Variants in ZNF93 observed in about 807,000 individuals in gnomAD.
ZNF93 encodes the protein zinc finger protein 93, also known as zinc finger protein 505.
ZNF93 carries 29 observed loss-of-function variants against 45.0 expected under a neutral mutation model. The ratio of observed to expected loss-of-function variants is 0.64; its 90% CI spans 0.48 to 0.88. The LOEUF is 0.88. Ranked by LOEUF, ZNF93 falls within the 40% of genes least tolerant of loss-of-function variation. ZNF93 has a pLI of 0.00. For synonymous variants in ZNF93, 223 were observed against 244.6 expected (o/e 0.91, Z 0.82); for missense variants, 578 against 724.0 (o/e 0.80, Z 2.31).
intron 3 of ZNF93, among the ~76,000 whole-genome samples, chr19:19,925,018 G>A (rs910077972): frequency 3.3e-5 from 5 of 152,234 alleles, no homozygotes; most frequent in Non-Finnish European, 7.3e-5. Flanking sequence ...CTACATGGCT[G>A]TACATGGATG....
intron 2 of ZNF93, among the ~76,000 whole-genome samples, chr19:19,916,300 C>T (rs1393728875): frequency 6.6e-6 from 1 of 152,086 alleles, no homozygotes; most frequent in East Asian, 1.9e-4. Context: ...CTCCTGACTT[C>T]GTGATCCGCC....
chr19:19,903,962 G>A (rs1360472985), intron 1 of ZNF93, among the ~76,000 whole-genome samples: 1 of 151,604 alleles, frequency 6.6e-6, no homozygotes, highest in Non-Finnish European at 1.5e-5. Context: ...GGGAGGCTGA[G>A]GCAGGAGAAT....
At chr19:19,911,051 C>T (rs575096229) in intron 1 of ZNF93, among the ~76,000 whole-genome samples, 4 of 152,220 alleles carry the variant, frequency 2.6e-5, no homozygotes, top group South Asian at 2.1e-4. Context: ...AGTGAGAGAT[C>T]GGGGCCACAA....
chr19:19,903,431 T>C (rs1183220317), intron 1 of ZNF93, among the ~76,000 whole-genome samples: 3 of 152,094 alleles, frequency 2.0e-5, no homozygotes, highest in Non-Finnish European at 2.9e-5. Context: ...AAGTAAAGTT[T>C]GATTAGGAAA....
chr19:19,902,661 A>G (rs1025478418), intron 1 of ZNF93, among the ~76,000 whole-genome samples: 1 of 151,676 alleles, frequency 6.6e-6, no homozygotes, highest in Non-Finnish European at 1.5e-5. Flanking sequence ...ATTCTGAGAG[A>G]AGGTACAGAG....
intron 3 of ZNF93, among the ~76,000 whole-genome samples, chr19:19,923,053 A>G (rs960583777): frequency 6.6e-6 from 1 of 151,946 alleles, no homozygotes; most frequent in African/African-American, 2.4e-5. Flanking sequence ...GTTTTTCCCC[A>G]TCTTTGTGGT....
At chr19:19,901,652 T>C (rs913558462) in intron 1 of ZNF93, among the ~76,000 whole-genome samples, 15 of 152,168 alleles carry the variant, frequency 9.9e-5, no homozygotes, top group African/African-American at 3.4e-4. Context: ...CCCTTCTTTT[T>C]CCCCATTCTC....
chr19:19,911,734 A>G (rs1445020153), intron 1 of ZNF93, among the ~76,000 whole-genome samples: 1 of 152,122 alleles, frequency 6.6e-6, no homozygotes, highest in African/African-American at 2.4e-5. Context: ...AGATTTATGA[A>G]CAAAATAATT....
At chr19:19,906,863 A>G (rs1381975391) in intron 1 of ZNF93, among the ~76,000 whole-genome samples, 2 of 151,060 alleles carry the variant, frequency 1.3e-5, no homozygotes, top group Admixed American at 6.6e-5. Flanking sequence ...TGGGCTCTCT[A>G]TTCTGTCGGT....
In ZNF93 at chr19:19,915,473, TG is replaced by T. The variant is rs575778732; in HGVS notation, c.130+68del. ...GGTTTTATTTCTCTTTTTTGTAGAA[TG>T]TTTTTTAGTAATTTATTCTTTGCAT... is the stretch of plus-strand genomic sequence containing the variant. On this transcript the variant is annotated intron_variant, in intron 2 of 3. Coordinates refer to ENST00000343769, the MANE Select transcript of ZNF93 (RefSeq NM_031218.4). The T allele has an allele frequency of 1.4e-5, 21 of 1,539,550 alleles. 1 individual carries two copies. The Admixed American group carries it at 1.7e-4, about 13-fold the overall frequency.
chr19:19,927,690 CA>C (rs2122190801), intron 3 of ZNF93, among the ~76,000 whole-genome samples: 1 of 152,296 alleles, frequency 6.6e-6, no homozygotes, highest in African/African-American at 2.4e-5. Context: ...GTATATGTTA[CA>C]TTTTTTAATA....
intron 3 of ZNF93, among the ~76,000 whole-genome samples, chr19:19,925,908 ACT>A (rs2063354636): frequency 1.3e-5 from 2 of 151,986 alleles, no homozygotes; most frequent in Admixed American, 1.3e-4. Flanking sequence ...AACAAAAGTA[ACT>A]CTAGGTTCTT....
chr19:19,907,389 G>C (rs2063295925), intron 1 of ZNF93, among the ~76,000 whole-genome samples: 4 of 152,164 alleles, frequency 2.6e-5, no homozygotes, highest in African/African-American at 7.2e-5. Flanking sequence ...AGGCTGAAGT[G>C]CTTATACTGC....
intron 3 of ZNF93, among the ~76,000 whole-genome samples, chr19:19,927,744 G>A (rs1380467782): frequency 1.3e-5 from 2 of 152,078 alleles, no homozygotes; most frequent in African/African-American, 4.8e-5. Context: ...CAGCCTATTG[G>A]CTTTTGTGAA....
Position 19,905,493 on chromosome 19 carries a change from T to C in ZNF93, c.3+4402T>C, listed in dbSNP as rs556823736. Among the ~76,000 whole-genome samples the C allele has an allele frequency of 2.8e-4, 43 of 152,350 alleles. 1 individual carries two copies. Among genetic ancestry groups the C allele is most frequent in the Middle Eastern group, 3.4e-3 (1 of 294 alleles). On this transcript the variant is annotated intron_variant, in intron 1 of 3. Transcript: ENST00000343769. ...GTTTTCTATTTCTGCATTAGTTTTC[T>C]AAGAATAATGGTCTCCAGCTTCATC...
chr19:19,922,376 T>G lies in ZNF93; in HGVS notation c.226+5721T>G, dbSNP rs143690253. Among the ~76,000 whole-genome samples, 1,502 of 151,938 alleles carry G rather than the reference T, an allele frequency of 9.9e-3. 15 individuals are homozygous for G. Among genetic ancestry groups the G allele is most frequent in the South Asian group, 0.029 (140 of 4,816 alleles). On this transcript the variant is annotated intron_variant, in intron 3 of 3. Coordinates refer to ENST00000343769, the MANE Select transcript of ZNF93 (RefSeq NM_031218.4). ...ACCTTTCTCTCTGGCTGCCCTTTTT[T>G]CCTTCATTTCAACTTTGGTGAATCT...
chr19:19,913,740 C>A (rs2063316040), intron 1 of ZNF93, among the ~76,000 whole-genome samples: 1 of 151,958 alleles, frequency 6.6e-6, no homozygotes, highest in Non-Finnish European at 1.5e-5. Context: ...ATGTGGTACA[C>A]CTTTAAAGGC....
At chr19:19,908,403 A>G (rs1442693955) in intron 1 of ZNF93, 1 of 152,200 alleles carries the variant, frequency 6.6e-6, no homozygotes, top group Non-Finnish European at 1.5e-5. Flanking sequence ...TTTCTTCATA[A>G]TGCTCATGTT....
At chr19:19,915,064 TATC>T (rs2063319409) in intron 1 of ZNF93, among the ~76,000 whole-genome samples, 2 of 152,182 alleles carry the variant, frequency 1.3e-5, no homozygotes, top group African/African-American at 4.8e-5. Flanking sequence ...TCTAGAAAAA[TATC>T]ATATATGAAC....
Sources: gnomAD v4.1 joint callset for allele counts (sites outside exome capture counted in the v4.1 genomes callset) on GRCh38, gnomAD v4.1.1 for gene constraint, MANE v1.5 for transcripts, NCBI Gene and HGNC (gene_info 2026-07-23, HGNC 2026-07-21) for gene names.